ANOS1: variants seen among roughly 807,000 people sequenced by gnomAD.
The protein encoded by ANOS1 is anosmin 1, also known as anosmin-1.
ANOS1 carries 6 observed loss-of-function variants against 59.0 expected under a neutral mutation model. That is an observed-to-expected ratio of 0.10 (90% CI 0.06 to 0.20). ANOS1 has a LOEUF of 0.20. Among genes scored for constraint, ANOS1 ranks in the 10% least tolerant of loss-of-function variants. The probability of loss-of-function intolerance (pLI) is 1.00; values close to 1 mark genes in which losing one functional copy is unlikely to be tolerated. For synonymous variants in ANOS1, 217 were observed against 223.4 expected (o/e 0.97, Z 0.25); for missense variants, 433 against 542.3 (o/e 0.80, Z 2.00).
intron 9 of ANOS1, among the ~76,000 whole-genome samples, chrX:8,546,596 C>T (rs1343095967): frequency 8.9e-6 from 1 of 111,985 alleles, no homozygotes; most frequent in Non-Finnish European, 1.9e-5. Context: ...TTGACCATAG[C>T]TCCAGTCAAA....
In ANOS1 at chrX:8,537,038, T is replaced by C. The variant is rs1379177588; in HGVS notation, c.1450-96A>G. 4.0e-6 allele frequency: 3 copies of C among 753,724 alleles called. No individual in the cohort carries two copies. In the East Asian group the frequency reaches 1.0e-4, roughly 26 times the overall value. The allele number at this position is 753,724 out of a possible 1,213,427, so 62.1% of individuals were successfully genotyped here. ...GAAATCATATTCCATCCAACAAGGA[T>C]GTTTTCCTATATAGTGTGTGCAATA... On this transcript the variant is annotated intron_variant, in intron 10 of 13. Transcript: ENST00000262648.
In ANOS1 at chrX:8,534,362, G is replaced by T; in HGVS notation, c.1941C>A (p.Ile647=). The change falls in exon 13 of 14, where the codon ATC becomes ATA. Residue 647 remains isoleucine (I), a synonymous_variant. Transcript: ENST00000262648. ...LTPGGEGPAT[I]KTFRTPELPP... ...GGAGCTCCGGCGTCCGGAACGTCTTGATGGTGGCCGGCCCCTCCCCTCCTG... is the reference window on the plus strand; with the variant it reads ...GGAGCTCCGGCGTCCGGAACGTCTTTATGGTGGCCGGCCCCTCCCCTCCTG... The T allele has an allele frequency of 2.5e-6, 3 of 1,211,548 alleles. No homozygotes were observed. The highest frequency in any genetic ancestry group is 3.4e-6 in the Non-Finnish European group (3 of 895,270).
intron 2 of ANOS1, among the ~76,000 whole-genome samples, chrX:8,656,762 C>T (rs914992609): frequency 1.2e-4 from 13 of 111,081 alleles, no homozygotes; most frequent in African/African-American, 2.6e-4. Flanking sequence ...GCTCAACTCC[C>T]GATGTGAGGC....
At chrX:8,570,142 A>C (rs1420625890) in intron 7 of ANOS1, among the ~76,000 whole-genome samples, 1 of 89,111 alleles carries the variant, frequency 1.1e-5, no homozygotes, top group South Asian at 4.1e-4. Context: ...CTCTCTCTCA[A>C]AAAAAAAAAA....
chrX:8,723,596 G>A (rs148629453), intron 1 of ANOS1, among the ~76,000 whole-genome samples: 146 of 112,137 alleles, frequency 1.3e-3, no homozygotes, highest in Middle Eastern at 4.6e-3. Context: ...TCCTTTCTGG[G>A]CATTTTTTAC....
intron 2 of ANOS1, among the ~76,000 whole-genome samples, chrX:8,684,103 T>C (rs773009922): frequency 8.9e-6 from 1 of 112,177 alleles, no homozygotes; most frequent in South Asian, 3.7e-4. Flanking sequence ...ATTGCCTTTC[T>C]GCCTCAAAAC....
intron 10 of ANOS1, among the ~76,000 whole-genome samples, chrX:8,537,299 G>A (rs1426559158): frequency 3.6e-5 from 4 of 111,480 alleles, no homozygotes; most frequent in African/African-American, 1.3e-4. Context: ...AAAAACTAAC[G>A]CAGGCTTCTC....
At position 8,529,617 on chromosome X, in the gene ANOS1, C is replaced by T. The variant is rs1179848995; in HGVS notation, c.*3378G>A. 1 of 112,038 alleles carries T rather than the reference C, an allele frequency of 8.9e-6. No individual in the cohort carries two copies. Among genetic ancestry groups the T allele is most frequent in the Non-Finnish European group, 1.9e-5 (1 of 53,225 alleles). 9.2% of individuals were successfully genotyped at this position (112,038 alleles called of 1,213,427 possible). On this transcript the variant is annotated 3_prime_UTR_variant, in exon 14 of 14. Coordinates refer to ENST00000262648, the MANE Select transcript of ANOS1 (RefSeq NM_000216.4). The stretch of plus-strand genomic sequence containing the variant: ...CAAGTTGTTTAGTGGACATAAAAAA[C>T]ACAGTTTAGGCCTTTGAAGTCAACC...
At chrX:8,673,451 G>A (rs1932288489) in intron 2 of ANOS1, among the ~76,000 whole-genome samples, 1 of 108,429 alleles carries the variant, frequency 9.2e-6, no homozygotes, top group Non-Finnish European at 1.9e-5. Context: ...CAACCTTTAT[G>A]GAAAAGGAAG....
intron 1 of ANOS1, among the ~76,000 whole-genome samples, chrX:8,707,668 T>C (rs1932787208): frequency 9.0e-6 from 1 of 111,430 alleles, no homozygotes; most frequent in African/African-American, 3.3e-5. Flanking sequence ...TTATAAGTAA[T>C]GTACAGATGA....
At chrX:8,664,688 A>G (rs1932104972) in intron 2 of ANOS1, among the ~76,000 whole-genome samples, 1 of 111,247 alleles carries the variant, frequency 9.0e-6, no homozygotes, top group Admixed American at 9.6e-5. Flanking sequence ...CTAAAACCAA[A>G]TAAGGTGTAA....
intron 1 of ANOS1, among the ~76,000 whole-genome samples, chrX:8,731,242 C>T (rs1602050175): frequency 8.9e-6 from 1 of 112,416 alleles, no homozygotes; most frequent in Non-Finnish European, 1.9e-5. Flanking sequence ...ACCCCCAACA[C>T]GCGCATACAC....
chrX:8,731,733 G>T, intron 1 of ANOS1, 97 bp downstream of exon 1: 1 of 1,126,795 alleles, frequency 8.9e-7, no homozygotes, highest in South Asian at 2.0e-5. Flanking sequence ...GGCGCTGGCC[G>T]AGAACTTTGC....
chrX:8,721,226 C>A lies in ANOS1; in HGVS notation c.207+10604G>T, dbSNP rs773638230. Among the ~76,000 whole-genome samples the A allele has an allele frequency of 7.2e-5, 8 of 111,662 alleles. No homozygotes were observed. In the South Asian group the frequency reaches 2.7e-3, roughly 38 times the overall value. On this transcript the variant is annotated intron_variant, in intron 1 of 13. Transcript: ENST00000262648. ...GAGAAATCCCGTCCTAGTTCCCTTA[C>A]AACTGAGTGTCTCTGGATCATAATA...
chrX:8,624,798 CAT>C (rs970486731), intron 2 of ANOS1, among the ~76,000 whole-genome samples: 3 of 110,162 alleles, frequency 2.7e-5, no homozygotes, highest in South Asian at 7.5e-4. Context: ...TATATACACA[CAT>C]GATATATAAA....
At chrX:8,651,430 C>G (rs1931849278) in intron 2 of ANOS1, among the ~76,000 whole-genome samples, 1 of 111,801 alleles carries the variant, frequency 8.9e-6, no homozygotes, top group African/African-American at 3.3e-5. Context: ...AAAACTGTTA[C>G]CTCATCGATG....
chrX:8,581,628 G>A (rs1271332832), intron 6 of ANOS1, among the ~76,000 whole-genome samples: 1 of 111,775 alleles, frequency 8.9e-6, no homozygotes, highest in African/African-American at 3.3e-5. Flanking sequence ...AACGGTGGAA[G>A]ACACTCCCTC....
chrX:8,602,772 C>T (rs909941314), intron 3 of ANOS1, among the ~76,000 whole-genome samples: 6 of 110,386 alleles, frequency 5.4e-5, no homozygotes, highest in Admixed American at 9.7e-5. Flanking sequence ...GAGAGTCTCA[C>T]TCTGTCGCCA....
chrX:8,554,563 T>A (rs891178748), intron 8 of ANOS1, among the ~76,000 whole-genome samples: 9 of 99,924 alleles, frequency 9.0e-5, no homozygotes, highest in Non-Finnish European at 1.6e-4. Context: ...TTTTTTTTTT[T>A]TTTTTTTGTT....
Sources: gnomAD v4.1 joint callset for allele counts (sites outside exome capture counted in the v4.1 genomes callset) on GRCh38, gnomAD v4.1.1 for gene constraint, MANE v1.5 for transcripts, NCBI Gene and HGNC (gene_info 2026-07-23, HGNC 2026-07-21) for gene names.